ZMAT4: variants seen among roughly 807,000 people sequenced by gnomAD.
ZMAT4 encodes zinc finger matrin-type 4, also known as zinc finger matrin-type protein 4.
In ZMAT4, 17 loss-of-function variants were observed where a neutral mutation model predicts 28.7. The ratio of observed to expected loss-of-function variants is 0.59; its 90% CI spans 0.41 to 0.89. The LOEUF is 0.89. ZMAT4 is among the 40% of genes least tolerant of loss of function. The probability of loss-of-function intolerance (pLI) is 0.00; values close to 1 mark genes in which losing one functional copy is unlikely to be tolerated. For synonymous variants in ZMAT4, 117 were observed against 109.2 expected (o/e 1.07, Z -0.44); for missense variants, 240 against 283.8 (o/e 0.85, Z 1.11).
rs1010868977 is a variant in ZMAT4 at position 40,531,259 on chromosome 8, T to G, written c.*964A>C. 5.9e-5 allele frequency: 9 copies of G among 152,162 alleles called. No homozygotes were observed. Among genetic ancestry groups the G allele is most frequent in the African/African-American group, 1.9e-4 (8 of 41,442 alleles). The allele number at this position is 152,162 out of a possible 1,614,324, so 9.4% of individuals were successfully genotyped here. ...GAGTGACTGAGTCTTGGCTCAGCAG[T>G]AGGACTTCAGTGAGAAACAGAAGAA... On this transcript the variant is annotated 3_prime_UTR_variant, in exon 7 of 7. Transcript: ENST00000297737.
chr8:40,585,738 C>G (rs987582315), intron 5 of ZMAT4, among the ~76,000 whole-genome samples: 3 of 152,132 alleles, frequency 2.0e-5, no homozygotes, highest in African/African-American at 7.2e-5. Context: ...TTATCCAGGT[C>G]TGACCCATTC....
At chr8:40,689,386 G>A (rs1272582818) in intron 4 of ZMAT4, among the ~76,000 whole-genome samples, 1 of 152,204 alleles carries the variant, frequency 6.6e-6, no homozygotes, top group Non-Finnish European at 1.5e-5. Context: ...GAGAACAGAA[G>A]TAATTTACAT....
chr8:40,541,214 A>G (rs1803017768), intron 6 of ZMAT4, among the ~76,000 whole-genome samples: 1 of 152,192 alleles, frequency 6.6e-6, no homozygotes, highest in East Asian at 1.9e-4. Flanking sequence ...GTTTTAGGCT[A>G]AGTCAATTAC....
At chr8:40,667,834 TAAAA>T (rs112035846) in intron 5 of ZMAT4, among the ~76,000 whole-genome samples, 3 of 134,492 alleles carry the variant, frequency 2.2e-5, no homozygotes, top group Admixed American at 7.4e-5. Context: ...GTCCATTATT[TAAAA>T]AAAAAAAAAA....
intron 1 of ZMAT4, among the ~76,000 whole-genome samples, chr8:40,881,455 G>GAA (rs1217190126): frequency 7.5e-6 from 1 of 133,212 alleles, no homozygotes; most frequent in South Asian, 2.5e-4. Context: ...AAGAAAGAAA[G>GAA]AAAGAAAGAA....
intron 5 of ZMAT4, among the ~76,000 whole-genome samples, chr8:40,640,633 A>C (rs1314971458): frequency 1.3e-5 from 2 of 151,462 alleles, no homozygotes; most frequent in African/African-American, 2.4e-5. Context: ...AAAGAAAAAA[A>C]GGTTTTTGTC....
chr8:40,744,435 C>T (rs755603936), intron 3 of ZMAT4, among the ~76,000 whole-genome samples: 3 of 152,164 alleles, frequency 2.0e-5, no homozygotes, highest in African/African-American at 4.8e-5. Context: ...ATATTAGGAA[C>T]ACCCTGCTCT....
At chr8:40,596,302 T>A (rs938500995) in intron 5 of ZMAT4, among the ~76,000 whole-genome samples, 1 of 152,190 alleles carries the variant, frequency 6.6e-6, no homozygotes, top group East Asian at 1.9e-4. Context: ...ACGCTAAATT[T>A]ATAAAAACTA....
chr8:40,823,386 C>A (rs1396053049), intron 2 of ZMAT4, among the ~76,000 whole-genome samples: 1 of 152,144 alleles, frequency 6.6e-6, no homozygotes, highest in South Asian at 2.1e-4. Context: ...TGGCCGGACA[C>A]GGTGGCTCGC....
At chr8:40,532,330 C>T in intron 6 of ZMAT4, 92 bp from the exon 7 acceptor site, 1 of 1,074,028 alleles carries the variant, frequency 9.3e-7, no homozygotes, top group Non-Finnish European at 1.3e-6. Context: ...CTCTCTTCTA[C>T]TTCTCATATT....
At chr8:40,814,091 C>T (rs1465632028) in intron 2 of ZMAT4, among the ~76,000 whole-genome samples, 1 of 151,586 alleles carries the variant, frequency 6.6e-6, no homozygotes, top group Non-Finnish European at 1.5e-5. Context: ...GTTACGCATT[C>T]GTAGGATCCT....
At chr8:40,810,077 TAC>T (rs1449235039) in intron 2 of ZMAT4, among the ~76,000 whole-genome samples, 1 of 152,002 alleles carries the variant, frequency 6.6e-6, no homozygotes, top group Non-Finnish European at 1.5e-5. Context: ...AATATATATA[TAC>T]ACACACATGC....
intron 5 of ZMAT4, among the ~76,000 whole-genome samples, chr8:40,585,622 A>T (rs767645989): frequency 6.6e-6 from 1 of 152,174 alleles, no homozygotes. Context: ...TGCTATAGTT[A>T]TACTGACTTT....
chr8:40,747,383 C>T (rs1737463007), intron 3 of ZMAT4, among the ~76,000 whole-genome samples: 1 of 152,030 alleles, frequency 6.6e-6, no homozygotes, highest in African/African-American at 2.4e-5. Context: ...GTATAGATTT[C>T]TATTTTATTT....
At chr8:40,632,407 A>G (rs910268963) in intron 5 of ZMAT4, among the ~76,000 whole-genome samples, 1 of 152,182 alleles carries the variant, frequency 6.6e-6, no homozygotes, top group African/African-American at 2.4e-5. Flanking sequence ...ATAAGAAAAT[A>G]GTGAAAGAGA....
intron 3 of ZMAT4, among the ~76,000 whole-genome samples, chr8:40,707,420 G>A (rs1810408145): frequency 6.6e-6 from 1 of 152,140 alleles, no homozygotes; most frequent in Non-Finnish European, 1.5e-5. Flanking sequence ...GGCTGTAAGT[G>A]TATTGGATAT....
chr8:40,765,217 A>G (rs1447215425), intron 3 of ZMAT4, among the ~76,000 whole-genome samples: 1 of 152,176 alleles, frequency 6.6e-6, no homozygotes, highest in Non-Finnish European at 1.5e-5. Flanking sequence ...TTCTCCAGAC[A>G]ACGTCTTTAT....
chr8:40,713,613 AAT>A (rs1563429836), intron 3 of ZMAT4, among the ~76,000 whole-genome samples: 1 of 152,142 alleles, frequency 6.6e-6, no homozygotes, highest in African/African-American at 2.4e-5. Context: ...GATAAAAAGA[AAT>A]ATACATATCC....
chr8:40,717,355 C>T (rs1257966993), intron 3 of ZMAT4, among the ~76,000 whole-genome samples: 2 of 152,092 alleles, frequency 1.3e-5, no homozygotes, highest in East Asian at 1.9e-4. Flanking sequence ...ATATAAAATA[C>T]TCAAAATAAA....
Sources: allele counts gnomAD v4.1 joint callset (sites outside exome capture counted in the v4.1 genomes callset), GRCh38; gene constraint gnomAD v4.1.1; transcripts MANE v1.5; gene names NCBI Gene and HGNC (gene_info 2026-07-23, HGNC 2026-07-21).